Variants in ZC3HC1 observed in about 807,000 individuals in gnomAD.
ZC3HC1 encodes the protein zinc finger C3HC-type protein 1.
Under a neutral mutation model 61.9 loss-of-function variants are expected in ZC3HC1, and 38 were observed. That is an observed-to-expected ratio of 0.61 (90% CI 0.47 to 0.81). The LOEUF is 0.81. ZC3HC1 is among the 30% of genes least tolerant of loss of function. ZC3HC1 has a pLI of 0.00. For synonymous variants in ZC3HC1, 213 were observed against 229.9 expected (o/e 0.93, Z 0.67); for missense variants, 554 against 622.7 (o/e 0.89, Z 1.17).
At chr7:130,032,725 G>GGGAA (rs1794261072) in intron 4 of ZC3HC1, among the ~76,000 whole-genome samples, 5 of 119,786 alleles carry the variant, frequency 4.2e-5, no homozygotes, top group African/African-American at 1.5e-4. Flanking sequence ...AAGGGAAGGA[G>GGGAA]GGAGGGAGGG....
intron 4 of ZC3HC1, among the ~76,000 whole-genome samples, chr7:130,029,894 A>G (rs915040884): frequency 1.3e-5 from 2 of 152,208 alleles, no homozygotes; most frequent in Admixed American, 1.3e-4. Flanking sequence ...CAAGAGATAC[A>G]AAAAGGCTTG....
At chr7:130,037,351 G>A (rs142075086) in intron 4 of ZC3HC1, among the ~76,000 whole-genome samples, 2,378 of 152,290 alleles carry the variant, frequency 0.016, 32 homozygotes, top group Middle Eastern at 0.024. Context: ...GGCTGAGGCA[G>A]GAGAATTGCT....
rs1258648883 is a variant in ZC3HC1 at position 130,028,958 on chromosome 7, G to A, written c.565C>T (p.Leu189Phe). 1 of 1,613,744 alleles carries A rather than the reference G, an allele frequency of 6.2e-7. No homozygotes were observed. Among genetic ancestry groups the A allele is most frequent in the Non-Finnish European group, 8.5e-7 (1 of 1,179,868 alleles). The change falls in exon 5 of 10, where the codon CTT (leucine) becomes TTT (phenylalanine). Residue 189 changes from leucine to phenylalanine, a missense_variant. Coordinates refer to ENST00000358303, the MANE Select transcript of ZC3HC1 (RefSeq NM_016478.5). ...VSEFLDRFQS[L>F]CHLDLQLPSL... ...GGAAGCTGGAGGTCCAAGTGACAAA[G>A]GCTTTGAAAACGATCTAGGAATTCA...
At chr7:130,020,106 C>T (rs1055348583) in intron 9 of ZC3HC1, among the ~76,000 whole-genome samples, 5 of 151,446 alleles carry the variant, frequency 3.3e-5, no homozygotes, top group Non-Finnish European at 5.9e-5. Context: ...TGAGCCACTG[C>T]GCCCGGCCCA....
At chr7:130,044,394 T>C (rs1049629410) in intron 2 of ZC3HC1, among the ~76,000 whole-genome samples, 7 of 152,024 alleles carry the variant, frequency 4.6e-5, no homozygotes, top group Admixed American at 6.6e-5. Flanking sequence ...ATTCCAGGGA[T>C]GGGGCAAGAA....
At chr7:130,051,135 A>G in intron 1 of ZC3HC1, 86 bp downstream of exon 1, 2 of 1,498,364 alleles carry the variant, frequency 1.3e-6, no homozygotes, top group East Asian at 4.9e-5. Flanking sequence ...TCGCCGACCG[A>G]GGGGAACCTC....
intron 2 of ZC3HC1, among the ~76,000 whole-genome samples, chr7:130,048,143 GTTTTT>G (rs11364921): frequency 4.1e-5 from 3 of 73,736 alleles, no homozygotes; most frequent in African/African-American, 5.8e-5. Flanking sequence ...TTTCCTAGTT[GTTTTT>G]TTTTTTTTTT....
chr7:130,029,313 G>T (rs62491274), intron 4 of ZC3HC1, among the ~76,000 whole-genome samples: 1 of 152,092 alleles, frequency 6.6e-6, no homozygotes, highest in South Asian at 2.1e-4. Flanking sequence ...GGCAGAGGTT[G>T]CAATGAGGCT....
intron 2 of ZC3HC1, chr7:130,045,318 T>C (rs1794819858): frequency 8.7e-6 from 2 of 228,978 alleles, no homozygotes; most frequent in African/African-American, 4.5e-5. Flanking sequence ...AAAATTACCA[T>C]GTAAGTCTTT....
intron 9 of ZC3HC1, among the ~76,000 whole-genome samples, chr7:130,021,725 A>T (rs1793649118): frequency 6.6e-6 from 1 of 152,222 alleles, no homozygotes; most frequent in Non-Finnish European, 1.5e-5. Flanking sequence ...CTGCCTGTTC[A>T]TCTATTTCTG....
intron 2 of ZC3HC1, among the ~76,000 whole-genome samples, chr7:130,042,846 C>A (rs1794732886): frequency 6.6e-6 from 1 of 152,100 alleles, no homozygotes; most frequent in African/African-American, 2.4e-5. Context: ...CCATGCCCCA[C>A]TAATTTTTGT....
intron 5 of ZC3HC1, among the ~76,000 whole-genome samples, chr7:130,028,026 G>T (rs1409667679): frequency 6.6e-6 from 1 of 151,156 alleles, no homozygotes; most frequent in Non-Finnish European, 1.5e-5. Flanking sequence ...AATTAGCTAG[G>T]CGTGGTCGCA....
chr7:130,031,298 C>A (rs1408460924), intron 4 of ZC3HC1, among the ~76,000 whole-genome samples: 2 of 138,848 alleles, frequency 1.4e-5, no homozygotes, highest in Non-Finnish European at 3.0e-5. Context: ...GCACTCCAGC[C>A]TGGGCAACAG....
chr7:130,031,040 G>C (rs1447670381), intron 4 of ZC3HC1, among the ~76,000 whole-genome samples: 1 of 151,148 alleles, frequency 6.6e-6, no homozygotes, highest in Non-Finnish European at 1.5e-5. Context: ...CTTGAAAACC[G>C]ACATCCCAGC....
intron 4 of ZC3HC1, among the ~76,000 whole-genome samples, chr7:130,035,864 A>G (rs1332127817): frequency 6.6e-6 from 1 of 152,122 alleles, no homozygotes; most frequent in Non-Finnish European, 1.5e-5. Flanking sequence ...TCACCCACAG[A>G]TTAAGATTTT....
Position 130,026,195 on chromosome 7 carries a change from T to C in ZC3HC1, c.739A>G (p.Thr247Ala). 6.2e-7 allele frequency: 1 copy of C among 1,614,124 alleles called. No homozygotes were observed. The change falls in exon 6 of 10, where the codon ACT (threonine) becomes GCT (alanine). Residue 247 changes from threonine to alanine, a missense_variant. Transcript: ENST00000358303. The part of the protein sequence containing the change: ...KLGSDIQVHV[T>A]ACILSVCGWA... ...CCACACACAGAGAGAATACAGGCAG[T>C]GACGTGGACTTGGATGTCTGAGCCT...
Position 130,018,626 on chromosome 7 carries a change from C to T in ZC3HC1, c.*38G>A, listed in dbSNP as rs769885451. ...AGCCTTAATTTTTCAAAAAGTCACT[C>T]TCATTCCAGCTATCTCCAGGAAGGC... On this transcript the variant is annotated 3_prime_UTR_variant, in exon 10 of 10. Coordinates refer to ENST00000358303, the MANE Select transcript of ZC3HC1 (RefSeq NM_016478.5). The T allele has an allele frequency of 9.6e-6, 15 of 1,562,914 alleles. No individual in the cohort carries two copies. The African/African-American group carries it at 1.8e-4, about 18-fold the overall frequency.
intron 4 of ZC3HC1, among the ~76,000 whole-genome samples, chr7:130,032,920 CT>C (rs1794281112): frequency 6.6e-6 from 1 of 152,162 alleles, no homozygotes; most frequent in Non-Finnish European, 1.5e-5. Flanking sequence ...TATATCAGTG[CT>C]CTCCTGCTTA....
intron 9 of ZC3HC1, among the ~76,000 whole-genome samples, chr7:130,021,674 T>G (rs10243427): frequency 6.6e-6 from 1 of 152,126 alleles, no homozygotes; most frequent in African/African-American, 2.4e-5. Context: ...TGACAGCAAA[T>G]GAAAGAAAAA....
Sources: gnomAD v4.1 joint callset for allele counts (sites outside exome capture counted in the v4.1 genomes callset) on GRCh38, gnomAD v4.1.1 for gene constraint, MANE v1.5 for transcripts, NCBI Gene and HGNC (gene_info 2026-07-23, HGNC 2026-07-21) for gene names.